Variants in RALGAPA2 observed in about 807,000 individuals in gnomAD.
RALGAPA2 encodes the protein Ral GTPase activating protein catalytic subunit alpha 2, also known as ral GTPase-activating protein subunit alpha-2.
In RALGAPA2, 139 loss-of-function variants were observed where a neutral mutation model predicts 230.4. The observed-to-expected ratio is 0.60, with a 90% CI of 0.53 to 0.69. The LOEUF (loss-of-function observed/expected upper bound fraction) is 0.69, where lower values mean the gene tolerates loss of function less well. RALGAPA2 is among the 30% of genes least tolerant of loss of function. RALGAPA2 has a pLI of 0.00. For missense variants in RALGAPA2, 2,163 were observed against 2,276.0 expected, an observed-to-expected ratio of 0.95 and a Z score of 1.01; for synonymous variants, 847 against 837.8, an observed-to-expected ratio of 1.01 and a Z score of -0.19.
At chr20:20,646,115 C>T (rs969686901) in intron 4 of RALGAPA2, among the ~76,000 whole-genome samples, 4 of 151,338 alleles carry the variant, frequency 2.6e-5, no homozygotes, top group Admixed American at 6.6e-5. Flanking sequence ...AGTGCAGTGG[C>T]GCGATCTCAG....
intron 31 of RALGAPA2, among the ~76,000 whole-genome samples, chr20:20,515,860 G>C (rs577226602): frequency 1.3e-5 from 2 of 152,076 alleles, no homozygotes; most frequent in East Asian, 3.9e-4. Context: ...GGGGGGGGCA[G>C]GGAAGTGCAC....
chr20:20,405,235 C>A (rs929912872), intron 38 of RALGAPA2, among the ~76,000 whole-genome samples: 1 of 152,206 alleles, frequency 6.6e-6, no homozygotes, highest in African/African-American at 2.4e-5. Flanking sequence ...GGCTGGCTAT[C>A]TTTTTGACAT....
chr20:20,458,774 CTATATATATATAGACCTA>C (rs1569417999), intron 37 of RALGAPA2, among the ~76,000 whole-genome samples: 3 of 10,964 alleles, frequency 2.7e-4, no homozygotes, highest in African/African-American at 7.0e-4. Context: ...ATATATAGAC[CTATATATATATAGACCTA>C]TATATATATA....
At chr20:20,393,274 T>C in intron 39 of RALGAPA2, 21 bp from the exon 40 acceptor site, 1 of 1,319,682 alleles carries the variant, frequency 7.6e-7, no homozygotes, top group Non-Finnish European at 1.0e-6. Context: ...AGCAGAGAAC[T>C]GCTAAGTCAT....
intron 30 of RALGAPA2, among the ~76,000 whole-genome samples, chr20:20,523,036 GT>G (rs386393506): frequency 4.7e-5 from 7 of 148,954 alleles, no homozygotes; most frequent in Non-Finnish European, 7.5e-5. Context: ...ACAATTAGGT[GT>G]TTTTTTTTTA....
Position 20,637,365 on chromosome 20 carries a change from A to C in RALGAPA2, c.803T>G (p.Leu268Arg). The C allele has an allele frequency of 6.3e-7, 1 of 1,598,784 alleles. No individual in the cohort carries two copies. Among genetic ancestry groups the C allele is most frequent in the Non-Finnish European group, 8.5e-7 (1 of 1,171,192 alleles). Residue 268 changes from leucine to arginine, a missense_variant and splice_region_variant, in exon 8 of 40, where the codon CTT (leucine) becomes CGT (arginine). Leu to Arg is a moderately radical substitution (Grantham distance 102). Transcript: ENST00000202677. ...TACACGGCTCCAACAGTACTTACCA[A>C]GTACAGGTTTGTAGATGTTTGTTAA... ...TKLTNIYKPV[L>R]DIPHLRPKPV...
intron 38 of RALGAPA2, among the ~76,000 whole-genome samples, chr20:20,407,539 C>T (rs533422124): frequency 1.3e-5 from 2 of 152,324 alleles, no homozygotes; most frequent in South Asian, 4.1e-4. Context: ...TCCCTCTGGG[C>T]AAAGGCTGGT....
chr20:20,610,942 C>T (rs151243479), intron 14 of RALGAPA2, among the ~76,000 whole-genome samples: 1 of 152,322 alleles, frequency 6.6e-6, no homozygotes, highest in African/African-American at 2.4e-5. Flanking sequence ...TCTAGGTAAG[C>T]CCATCCTGTG....
intron 3 of RALGAPA2, among the ~76,000 whole-genome samples, chr20:20,669,288 A>G (rs1223833568): frequency 1.3e-5 from 2 of 152,256 alleles, no homozygotes; most frequent in Non-Finnish European, 2.9e-5. Context: ...AACATGGCAG[A>G]AAGCTTGAAA....
At position 20,624,228 on chromosome 20, in the gene RALGAPA2, G is replaced by C. The variant is rs144327832; in HGVS notation, c.1234-3598C>G. Reference sequence around the variant, plus strand: ...TGTAATCCCAGCTATTTGGGAGGCTGAGGAAGAAGAATCACTTGAACCCGG... The same window carrying C: ...TGTAATCCCAGCTATTTGGGAGGCTCAGGAAGAAGAATCACTTGAACCCGG... On this transcript the variant is annotated intron_variant, in intron 10 of 39. Coordinates refer to ENST00000202677, the MANE Select transcript of RALGAPA2 (RefSeq NM_020343.4). Among the ~76,000 whole-genome samples, 746 of 150,948 alleles carry C rather than the reference G, an allele frequency of 4.9e-3. 11 individuals are homozygous for C. Among genetic ancestry groups the C allele is most frequent in the Admixed American group, 0.04 (607 of 15,040 alleles).
chr20:20,414,251 G>A (rs528528563), intron 37 of RALGAPA2, among the ~76,000 whole-genome samples: 10 of 152,258 alleles, frequency 6.6e-5, no homozygotes, highest in East Asian at 1.9e-4. Flanking sequence ...TCAGTCCATC[G>A]TCTGCTTGTG....
intron 14 of RALGAPA2, among the ~76,000 whole-genome samples, chr20:20,608,264 G>A (rs764045513): frequency 2.0e-5 from 3 of 152,040 alleles, no homozygotes; most frequent in Non-Finnish European, 4.4e-5. Flanking sequence ...ACACACTAAG[G>A]GGACTGCGTA....
In RALGAPA2 at chr20:20,464,066, G is replaced by C. The variant is rs1343039109; in HGVS notation, c.5495+8763C>G. Among the ~76,000 whole-genome samples the C allele has an allele frequency of 2.0e-5, 3 of 152,320 alleles. No individual in the cohort carries two copies. In the East Asian group the frequency reaches 5.8e-4, roughly 29 times the overall value. ...GATATTGTCCTCCACTCAGCTGGAG[G>C]ACGAAGCGCCAGGAGGCTTTTGTGC... On this transcript the variant is annotated intron_variant, in intron 37 of 39. Transcript: ENST00000202677.
intron 9 of RALGAPA2, among the ~76,000 whole-genome samples, chr20:20,632,048 A>G (rs990029112): frequency 1.3e-5 from 2 of 149,692 alleles, no homozygotes; most frequent in African/African-American, 4.9e-5. Context: ...TTTTTGAGAC[A>G]GAGTCTCGCT....
chr20:20,696,050 A>C (rs140317724), intron 1 of RALGAPA2, among the ~76,000 whole-genome samples: 2,456 of 152,236 alleles, frequency 0.016, 32 homozygotes, highest in Non-Finnish European at 0.025. Context: ...GATAACAGCA[A>C]GCCCGTCTCC....
chr20:20,605,089 T>C (rs1158627389), intron 15 of RALGAPA2, 86 bp downstream of exon 15: 21 of 1,132,536 alleles, frequency 1.9e-5, no homozygotes, highest in Non-Finnish European at 2.6e-5. Flanking sequence ...CATTATAAAA[T>C]TTCGCGCATT....
intron 27 of RALGAPA2, among the ~76,000 whole-genome samples, chr20:20,529,942 A>G (rs906525735): frequency 6.6e-6 from 1 of 152,240 alleles, no homozygotes; most frequent in Admixed American, 6.5e-5. Flanking sequence ...ATACATCTAG[A>G]TTTAAGAAAA....
chr20:20,581,477 G>A (rs942014455), intron 20 of RALGAPA2, among the ~76,000 whole-genome samples: 3 of 152,078 alleles, frequency 2.0e-5, no homozygotes, highest in Admixed American at 2.0e-4. Flanking sequence ...AGCACTGCAC[G>A]TTGAGTCAAA....
chr20:20,543,430 C>T (rs572654654), intron 24 of RALGAPA2, among the ~76,000 whole-genome samples: 22 of 152,226 alleles, frequency 1.4e-4, no homozygotes, highest in African/African-American at 2.9e-4. Context: ...CACATGCACA[C>T]GTGTGTTTAT....
Sources: allele counts gnomAD v4.1 joint callset (sites outside exome capture counted in the v4.1 genomes callset), GRCh38; gene constraint gnomAD v4.1.1; transcripts MANE v1.5; gene names NCBI Gene and HGNC (gene_info 2026-07-23, HGNC 2026-07-21).